The following NNT variants were observed in gnomAD, a reference collection of about 807,000 sequenced individuals.
NNT encodes the protein nicotinamide nucleotide transhydrogenase, also known as NAD(P) transhydrogenase, mitochondrial.
Under a neutral mutation model 104.8 loss-of-function variants are expected in NNT, and 50 were observed. The ratio of observed to expected loss-of-function variants is 0.48; its 90% CI spans 0.38 to 0.60. NNT has a LOEUF of 0.60. NNT is among the 20% of genes least tolerant of loss of function. The pLI, the probability that NNT is intolerant of heterozygous loss-of-function variation, is 0.00. For missense variants in NNT, 1,131 were observed against 1,330.7 expected (o/e 0.85, Z 2.33); for synonymous variants, 461 against 490.4 (o/e 0.94, Z 0.79).
intron 19 of NNT, among the ~76,000 whole-genome samples, chr5:43,678,558 T>A (rs1016445020): frequency 6.6e-5 from 10 of 152,038 alleles, no homozygotes; most frequent in Non-Finnish European, 1.3e-4. Flanking sequence ...AGGAAAGAGG[T>A]CAAGCGAAGC....
At chr5:43,649,057 T>C in intron 10 of NNT, 90 bp from the exon 11 acceptor site, 1 of 1,393,698 alleles carries the variant, frequency 7.2e-7, no homozygotes, top group Non-Finnish European at 1.0e-6. Flanking sequence ...TTAAAAGCAT[T>C]GGCTATTCCA....
rs1220162371 is a variant in NNT, at chr5:43,705,072, A to C, written c.*668A>C. On this transcript the variant is annotated 3_prime_UTR_variant, in exon 22 of 22. Coordinates refer to ENST00000344920, the MANE Select transcript of NNT (RefSeq NM_182977.3). Reference sequence around the variant, plus strand: ...CTTTATATGTTTCATTAGAATACCAATGAAACATACAACTTGAAAATTAGT... The same window carrying C: ...CTTTATATGTTTCATTAGAATACCACTGAAACATACAACTTGAAAATTAGT... 1 of 152,168 alleles carries C rather than the reference A, an allele frequency of 6.6e-6. No individual in the cohort carries two copies. The allele number at this position is 152,168 out of a possible 1,614,324, so 9.4% of individuals were successfully genotyped here.
rs78651688 is a variant in NNT at position 43,673,615 on chromosome 5, C to T, written c.2635-1896C>T. ...AGATCAATGAGTTGAATGTTTGGGA[C>T]GTCTCAGATGTGGCTATTTGTGTTT... On this transcript the variant is annotated intron_variant, in intron 17 of 21. Transcript: ENST00000344920. 5.8e-4 allele frequency among the ~76,000 whole-genome samples: 89 copies of T among 152,258 alleles called. 1 individual carries two copies. The highest frequency in any genetic ancestry group is 2.3e-3 in the East Asian group (12 of 5,188).
intron 17 of NNT, among the ~76,000 whole-genome samples, chr5:43,669,972 C>T (rs1740959097): frequency 6.6e-6 from 1 of 151,996 alleles, no homozygotes; most frequent in Non-Finnish European, 1.5e-5. Context: ...TGTTATTGGT[C>T]TATTCAGGGA....
At chr5:43,669,561 C>G (rs973924842) in intron 17 of NNT, among the ~76,000 whole-genome samples, 7 of 151,944 alleles carry the variant, frequency 4.6e-5, no homozygotes, top group Non-Finnish European at 8.8e-5. Flanking sequence ...GTCATTGGTT[C>G]TGTTTATATG....
At chr5:43,637,767 T>TC (rs1237473125) in intron 7 of NNT, among the ~76,000 whole-genome samples, 1 of 152,162 alleles carries the variant, frequency 6.6e-6, no homozygotes, top group African/African-American at 2.4e-5. Flanking sequence ...TAGCACATTT[T>TC]CCCTCATTTA....
chr5:43,649,571 T>G lies in NNT; in HGVS notation c.1606+263T>G, dbSNP rs533785155. 3.4e-4 allele frequency among the ~76,000 whole-genome samples: 51 copies of G among 151,750 alleles called. No homozygotes were observed. In the South Asian group the frequency reaches 5.6e-3, roughly 17 times the overall value. Reference sequence around the variant, plus strand: ...AGAGCCACTGTTATTTCTTCCAAGTTTGATCCTTTTTTTTTTTTTTTAAAG... The same window carrying G: ...AGAGCCACTGTTATTTCTTCCAAGTGTGATCCTTTTTTTTTTTTTTTAAAG... On this transcript the variant is annotated intron_variant, in intron 11 of 21. Coordinates refer to ENST00000344920, the MANE Select transcript of NNT (RefSeq NM_182977.3).
intron 17 of NNT, among the ~76,000 whole-genome samples, chr5:43,668,467 G>A (rs1257715375): frequency 6.6e-6 from 1 of 152,138 alleles, no homozygotes; most frequent in Non-Finnish European, 1.5e-5. Flanking sequence ...TAAGGTGTAA[G>A]GAAGGGATCC....
intron 7 of NNT, among the ~76,000 whole-genome samples, chr5:43,636,304 A>T (rs1208422019): frequency 6.6e-6 from 1 of 152,224 alleles, no homozygotes; most frequent in Non-Finnish European, 1.5e-5. Flanking sequence ...AAGTCCAGAC[A>T]TTCTCAAGGA....
intron 17 of NNT, among the ~76,000 whole-genome samples, chr5:43,671,657 T>G (rs1360644307): frequency 6.6e-6 from 1 of 152,252 alleles, no homozygotes; most frequent in African/African-American, 2.4e-5. Flanking sequence ...AGATCAGCTG[T>G]TAGTCTGATG....
chr5:43,685,685 A>G (rs1254079694), intron 19 of NNT, among the ~76,000 whole-genome samples: 1 of 152,152 alleles, frequency 6.6e-6, no homozygotes, highest in Non-Finnish European at 1.5e-5. Context: ...TATTTCCATA[A>G]TACAAGAAGC....
intron 19 of NNT, among the ~76,000 whole-genome samples, chr5:43,681,647 G>T (rs1741725602): frequency 6.6e-6 from 1 of 152,126 alleles, no homozygotes; most frequent in African/African-American, 2.4e-5. Context: ...TAAACTGCTT[G>T]CCTCAGCCTC....
intron 19 of NNT, among the ~76,000 whole-genome samples, chr5:43,694,067 A>C (rs1742429596): frequency 6.6e-6 from 1 of 152,148 alleles, no homozygotes; most frequent in Non-Finnish European, 1.5e-5. Flanking sequence ...AATGTTCCTG[A>C]TTTGGCTAGA....
At chr5:43,608,744 A>G (rs1303150961) in intron 1 of NNT, among the ~76,000 whole-genome samples, 2 of 152,222 alleles carry the variant, frequency 1.3e-5, no homozygotes, top group Non-Finnish European at 2.9e-5. Flanking sequence ...TTCAAAGGTA[A>G]CTGAATTACA....
chr5:43,681,056 C>A (rs1216259755), intron 19 of NNT, among the ~76,000 whole-genome samples: 1 of 151,844 alleles, frequency 6.6e-6, no homozygotes, highest in African/African-American at 2.4e-5. Flanking sequence ...GTCAGGAGAT[C>A]AAGACCATCC....
chr5:43,672,355 G>A (rs1211730177), intron 17 of NNT, among the ~76,000 whole-genome samples: 3 of 149,600 alleles, frequency 2.0e-5, no homozygotes, highest in Non-Finnish European at 4.5e-5. Flanking sequence ...AGGGGGGAGA[G>A]GCGCTCTGAT....
intron 17 of NNT, among the ~76,000 whole-genome samples, chr5:43,666,544 A>C (rs1203997248): frequency 2.0e-5 from 3 of 150,884 alleles, no homozygotes; most frequent in Non-Finnish European, 4.4e-5. Context: ...TGGCGACAGT[A>C]CAGTCCAGCC....
chr5:43,646,635 CG>C (rs2111851283), intron 10 of NNT, among the ~76,000 whole-genome samples: 1 of 152,000 alleles, frequency 6.6e-6, no homozygotes, highest in East Asian at 1.9e-4. Flanking sequence ...GTGTTAAATG[CG>C]TATAAATATA....
At chr5:43,663,720 C>A (rs1740489961) in intron 17 of NNT, among the ~76,000 whole-genome samples, 1 of 152,112 alleles carries the variant, frequency 6.6e-6, no homozygotes. Flanking sequence ...CAAAATATAG[C>A]TCATTTAATC....
Sources: gnomAD v4.1 joint callset for allele counts (sites outside exome capture counted in the v4.1 genomes callset) on GRCh38, gnomAD v4.1.1 for gene constraint, MANE v1.5 for transcripts, NCBI Gene and HGNC (gene_info 2026-07-23, HGNC 2026-07-21) for gene names.